The following ABCD4 variants were observed in gnomAD, a reference collection of about 807,000 sequenced individuals.
ABCD4 encodes the protein ATP binding cassette subfamily D member 4.
A neutral mutation model predicts 86.3 loss-of-function variants in ABCD4; 53 were observed. That is an observed-to-expected ratio of 0.61 (90% confidence interval 0.49 to 0.77). The LOEUF is 0.77. Among genes scored for constraint, ABCD4 ranks in the 30% least tolerant of loss-of-function variants. The pLI, the probability that ABCD4 is intolerant of heterozygous loss-of-function variation, is 0.00. For synonymous variants in ABCD4, 328 were observed against 313.6 expected, an observed-to-expected ratio of 1.05 and a Z score of -0.49; for missense variants, 757 against 764.5, an observed-to-expected ratio of 0.99 and a Z score of 0.12.
In ABCD4 at chr14:74,296,450, C is replaced by T. The variant is rs759851157; in HGVS notation, c.426-1G>A. The T allele has an allele frequency of 2.5e-6, 4 of 1,613,954 alleles. No homozygotes were observed. ...CACGTCCTGGCTGATGCGCTGGTCC[C>T]TGGAGCCAATGACACAGAGTAGCTG... is the stretch of plus-strand genomic sequence containing the variant. On this transcript the variant is annotated splice_acceptor_variant, in intron 4 of 18. Coordinates refer to ENST00000356924, the MANE Select transcript of ABCD4 (RefSeq NM_005050.4). LOFTEE classifies it high-confidence loss of function.
rs28427185 is a variant in ABCD4 at position 74,300,521 on chromosome 14, G to A, written c.39-253C>T. 6.4e-3 allele frequency among the ~76,000 whole-genome samples: 962 copies of A among 151,438 alleles called. 9 individuals are homozygous for A. Among genetic ancestry groups the A allele is most frequent in the African/African-American group, 0.022 (911 of 41,266 alleles). On this transcript the variant is annotated intron_variant, in intron 1 of 18. Coordinates refer to ENST00000356924, the MANE Select transcript of ABCD4 (RefSeq NM_005050.4). ...TCAGGAGAATTGCTTGGACCTGGGA[G>A]GCAGAGGTTGCAGTGAGCTGAGATT...
chr14:74,286,723 C>G lies in ABCD4; in HGVS notation c.1730G>C (p.Gly577Ala). 1 of 1,614,126 alleles carries G rather than the reference C, an allele frequency of 6.2e-7. No individual in the cohort carries two copies. Among genetic ancestry groups the G allele is most frequent in the Non-Finnish European group, 8.5e-7 (1 of 1,180,036 alleles). Residue 577 changes from glycine (G) to alanine (A), a missense_variant, in exon 18 of 19, where the codon GGA becomes GCA. Physicochemically the swap from Gly to Ala is moderately conservative, Grantham distance 60. Coordinates refer to ENST00000356924, the MANE Select transcript of ABCD4 (RefSeq NM_005050.4). The part of the protein sequence containing the change: ...QQLGMTFISV[G>A]HRQSLEKFHS... ...TACCTTCTCAAGGCTCTGCCGATGT[C>G]CCACACTGATGAACGTCATCCCCAG... is the stretch of plus-strand genomic sequence containing the variant.
chr14:74,288,510 CTT>C, intron 15 of ABCD4: 1 of 669,580 alleles, frequency 1.5e-6, no homozygotes, highest in Non-Finnish European at 2.5e-6. Context: ...CAATCCTATT[CTT>C]GTTTTAAAAT....
Position 74,287,863 on chromosome 14 carries a change from T to TC in ABCD4, c.1582dup (p.Glu528GlyfsTer21). On this transcript the variant is annotated frameshift_variant, in exon 17 of 19. Coordinates refer to ENST00000356924, the MANE Select transcript of ABCD4 (RefSeq NM_005050.4). LOFTEE classifies it high-confidence loss of function. The stretch of plus-strand genomic sequence containing the variant: ...TCGGGCAAAGGAGAGCCGTTGCATC[T>TC]CCCCCGGGGACAGAACATCATACCT... 1 of 1,613,026 alleles carries TC rather than the reference T, an allele frequency of 6.2e-7. No homozygotes were observed. Among genetic ancestry groups the TC allele is most frequent in the Non-Finnish European group, 8.5e-7 (1 of 1,179,560 alleles).
At chr14:74,300,322 G>T in intron 1 of ABCD4, 54 bp from the exon 2 acceptor site, 1 of 1,193,840 alleles carries the variant, frequency 8.4e-7, no homozygotes, top group Non-Finnish European at 1.2e-6. Flanking sequence ...TTAAGCCTTA[G>T]GGAGTAGTTA....
intron 15 of ABCD4, 27 bp downstream of exon 15, chr14:74,288,689 G>T: frequency 6.2e-7 from 1 of 1,611,782 alleles, no homozygotes; most frequent in Non-Finnish European, 8.5e-7. Flanking sequence ...GTGGGCTCGG[G>T]TCCTGAGGGT....
intron 11 of ABCD4, among the ~76,000 whole-genome samples, chr14:74,291,437 A>G (rs759886455): frequency 3.9e-5 from 6 of 152,238 alleles, no homozygotes; most frequent in Admixed American, 1.3e-4. Context: ...GGTATTCAAC[A>G]AATTCTAATG....
In ABCD4 at chr14:74,298,044, C is replaced by A; in HGVS notation, c.311G>T (p.Cys104Phe). 1.2e-6 allele frequency: 2 copies of A among 1,613,806 alleles called. No individual in the cohort carries two copies. The highest frequency in any genetic ancestry group is 1.7e-6 in the Non-Finnish European group (2 of 1,179,940). Residue 104 changes from cysteine to phenylalanine, a missense_variant, in exon 4 of 19, where the codon TGC becomes TTC. Physicochemically the swap from Cys to Phe is radical, Grantham distance 205. Coordinates refer to ENST00000356924, the MANE Select transcript of ABCD4 (RefSeq NM_005050.4). ...CCTCCAGCTCACATACAGCAGGTTG[C>A]AGGTGAACTGATCAAAGCTCTTCAG... ...STLKSFDQFT[C>F]NLLYVSWRKD...
chr14:74,302,901 C>G lies in ABCD4; in HGVS notation c.12G>C (p.Ala4=), dbSNP rs754280972. 7 of 1,607,400 alleles carry G rather than the reference C, an allele frequency of 4.4e-6. No homozygotes were observed. The South Asian group carries it at 5.6e-5, about 13-fold the overall frequency. ...TGGCGCCAGCTCCGGGCGCGGGCCC[C>G]GCGACCGCCATGACCTGAGACCCGA... The part of the protein sequence containing the change: MAV[A]GPAPGAGARP... Residue 4 remains alanine (A), a synonymous_variant, in exon 1 of 19, where the codon GCG becomes GCC. Transcript: ENST00000356924.
At chr14:74,302,603 T>C (rs1483439957) in intron 1 of ABCD4, among the ~76,000 whole-genome samples, 1 of 152,074 alleles carries the variant, frequency 6.6e-6, no homozygotes, top group Non-Finnish European at 1.5e-5. Context: ...GTTCTTCTTT[T>C]CAAAAAAAGA....
At chr14:74,287,274 C>A (rs1262585390) in intron 17 of ABCD4, among the ~76,000 whole-genome samples, 1 of 152,144 alleles carries the variant, frequency 6.6e-6, no homozygotes, top group African/African-American at 2.4e-5. Context: ...ATGAGCTAGG[C>A]ATAGTGGTTC....
chr14:74,297,639 G>A (rs1369957001), intron 4 of ABCD4: 5 of 934,820 alleles, frequency 5.3e-6, no homozygotes, highest in Middle Eastern at 4.5e-4. Context: ...GTGTGCTCAC[G>A]GTGCACTACT....
intron 11 of ABCD4, among the ~76,000 whole-genome samples, chr14:74,291,857 A>G (rs2139876110): frequency 1.3e-5 from 2 of 152,312 alleles, no homozygotes; most frequent in South Asian, 4.1e-4. Flanking sequence ...CTGCCCAAGG[A>G]AAGTGTGGAG....
rs377533115 is a variant in ABCD4, at chr14:74,289,447, G to C, written c.1456+36C>G. The stretch of plus-strand genomic sequence containing the variant: ...AGGTAGAGCAGGGACAACCATGACA[G>C]AAGGAGAGGACATGACCTAAGGAGG... On this transcript the variant is annotated intron_variant, in intron 14 of 18. Transcript: ENST00000356924. 21 of 1,612,998 alleles carry C rather than the reference G, an allele frequency of 1.3e-5. No homozygotes were observed. In the African/African-American group the frequency reaches 2.4e-4, roughly 18 times the overall value.
intron 14 of ABCD4, 83 bp downstream of exon 14, chr14:74,289,400 G>T: frequency 6.3e-7 from 1 of 1,577,978 alleles, no homozygotes; most frequent in South Asian, 1.2e-5. Context: ...CTCTCCCCAA[G>T]GGCACAGATG....
chr14:74,302,624 C>A (rs1018131755), intron 1 of ABCD4, among the ~76,000 whole-genome samples: 2 of 152,194 alleles, frequency 1.3e-5, no homozygotes, highest in Non-Finnish European at 2.9e-5. Context: ...ATGCCAGTTG[C>A]GAGGGTGAGG....
intron 8 of ABCD4, 84 bp downstream of exon 8, chr14:74,293,070 G>A (rs2081976983): frequency 1.3e-6 from 2 of 1,486,748 alleles, no homozygotes; most frequent in Non-Finnish European, 9.3e-7. Context: ...ATTTATCCTT[G>A]CAGACAGGAG....
In ABCD4 at chr14:74,290,085, T is replaced by C. The variant is rs776556552; in HGVS notation, c.1361A>G (p.His454Arg). 3.7e-6 allele frequency: 6 copies of C among 1,613,868 alleles called. No individual in the cohort carries two copies. Among genetic ancestry groups the C allele is most frequent in the Admixed American group, 1.7e-5 (1 of 59,974 alleles). The change falls in exon 13 of 19, where the codon CAT (histidine) becomes CGT (arginine). Residue 454 changes from histidine (H) to arginine (R), a missense_variant. Coordinates refer to ENST00000356924, the MANE Select transcript of ABCD4 (RefSeq NM_005050.4). The part of the protein sequence containing the change: ...SVQMLTDFGP[H>R]GVLFLPQKPF... ...CTTTTGTGGCAGGAATAGCACCCCATGGGGCCCAAAGTCCGTCAGCATCTG... is the reference window on the plus strand; with the variant it reads ...CTTTTGTGGCAGGAATAGCACCCCACGGGGCCCAAAGTCCGTCAGCATCTG...
At chr14:74,296,193 C>T in intron 5 of ABCD4, 140 bp downstream of exon 5, 1 of 1,110,572 alleles carries the variant, frequency 9.0e-7, no homozygotes, top group Non-Finnish European at 1.3e-6. Context: ...AGGGCAGGGG[C>T]CTGAGCACGT....
Sources: allele counts gnomAD v4.1 joint callset (sites outside exome capture counted in the v4.1 genomes callset), GRCh38; gene constraint gnomAD v4.1.1; transcripts MANE v1.5; gene names NCBI Gene and HGNC (gene_info 2026-07-23, HGNC 2026-07-21).